INTS1: variants seen among roughly 807,000 people sequenced by gnomAD.
INTS1 encodes integrator complex subunit 1.
INTS1 carries 137 observed loss-of-function variants against 241.6 expected under a neutral mutation model. That is an observed-to-expected ratio of 0.57 (90% CI 0.49 to 0.65). The LOEUF is 0.65. INTS1 is among the 30% of genes least tolerant of loss of function. The pLI is 0.00. For missense variants in INTS1, 3,073 were observed against 3,032.2 expected, an observed-to-expected ratio of 1.01 and a Z score of -0.32; for synonymous variants, 1,692 against 1,337.8, an observed-to-expected ratio of 1.26 and a Z score of -5.78.
intron 43 of INTS1, 48 bp downstream of exon 43, chr7:1,473,024 A>G (rs1233121280): frequency 7.7e-7 from 1 of 1,305,888 alleles, no homozygotes; most frequent in Non-Finnish European, 1.1e-6. Flanking sequence ...CAGGCCCTGT[A>G]GGACTGTTCC....
In INTS1 at chr7:1,481,864, T is replaced by C. The variant is rs919225103; in HGVS notation, c.3704-376A>G. ...TGTCGGGACCACCTTGCACCCTGGA[T>C]GGCAGCTGTGTGGGCCCCATCCCCA... On this transcript the variant is annotated intron_variant, in intron 27 of 47. Transcript: ENST00000404767. This position sits in a 1 kb window ranked among gnomAD's most constrained non-coding sequence, Gnocchi z 6.8. Among the ~76,000 whole-genome samples the C allele has an allele frequency of 2.0e-5, 3 of 152,038 alleles. No individual in the cohort carries two copies. Among genetic ancestry groups the C allele is most frequent in the African/African-American group, 2.4e-5 (1 of 41,410 alleles).
chr7:1,485,259 T>A, intron 23 of INTS1, 31 bp downstream of exon 23: 1 of 1,597,694 alleles, frequency 6.3e-7, no homozygotes, highest in East Asian at 2.2e-5. Flanking sequence ...CTCTCATCTT[T>A]CCCTGCCGCG....
At position 1,483,006 on chromosome 7, in the gene INTS1, A is replaced by G. The variant is rs1269013382; in HGVS notation, c.3542-299T>C. ...TGCCCTCGGGGCTTTGCTTGGCTGG[A>G]CCAGGTCCCATCCAGCTCTCTGGCT... On this transcript the variant is annotated intron_variant, in intron 26 of 47. Transcript: ENST00000404767. 1.1e-5 allele frequency: 4 copies of G among 378,438 alleles called. No individual in the cohort carries two copies. The East Asian group carries it at 2.1e-4, about 20-fold the overall frequency. The allele number at this position is 378,438 out of a possible 1,614,324, so 23.4% of individuals were successfully genotyped here. A position where few individuals can be genotyped will look rare whatever the true frequency, so the allele number is the denominator to read the frequency against.
rs201645344 is a variant in INTS1, at chr7:1,485,334, G to A, written c.3112C>T (p.Leu1038=). 919 of 1,611,636 alleles carry A rather than the reference G, an allele frequency of 5.7e-4. 5 individuals carry two copies. The African/African-American group carries it at 0.011, about 19-fold the overall frequency. Residue 1038 remains leucine (L), a synonymous_variant, in exon 23 of 48, where the codon CTG becomes TTG. Coordinates refer to ENST00000404767, the MANE Select transcript of INTS1 (RefSeq NM_001080453.3). ...WLLRDLPRLP[L]FDSVRSTTAL... is the part of the protein sequence containing the mutation. ...GTGGTGCTCCTGACGCTGTCGAACA[G>A]AGGCAGGCGAGGCAGGTCCCGCAGC...
intron 26 of INTS1, 122 bp from the exon 27 acceptor site, chr7:1,482,829 A>T: frequency 1.7e-6 from 2 of 1,195,818 alleles, no homozygotes; most frequent in Non-Finnish European, 2.4e-6. Context: ...TGGGAGGAGC[A>T]CGGGGCTCCT....
At position 1,485,364 on chromosome 7, in the gene INTS1, A is replaced by C. The variant is rs757455650; in HGVS notation, c.3082T>G (p.Trp1028Gly). Residue 1028 changes from tryptophan (W) to glycine (G), a missense_variant, in exon 23 of 48, where the codon TGG (tryptophan) becomes GGG (glycine). Trp to Gly is a radical substitution (Grantham distance 184). Transcript: ENST00000404767. ...GDTDVLQGYQ[W>G]LLRDLPRLPL... ...AGGCGAGGCAGGTCCCGCAGCAGCCACTGATAGCCCTGCAGCACATCTGTG... is the reference window on the plus strand; with the variant it reads ...AGGCGAGGCAGGTCCCGCAGCAGCCCCTGATAGCCCTGCAGCACATCTGTG... 5.0e-6 allele frequency: 8 copies of C among 1,612,502 alleles called. No homozygotes were observed. Among genetic ancestry groups the C allele is most frequent in the African/African-American group, 4.0e-5 (3 of 74,916 alleles).
Position 1,503,005 on chromosome 7 carries a change from G to A in INTS1, c.245C>T (p.Ser82Phe), listed in dbSNP as rs1297968739. 1.2e-6 allele frequency: 2 copies of A among 1,613,808 alleles called. No individual in the cohort carries two copies. Among genetic ancestry groups the A allele is most frequent in the South Asian group, 1.1e-5 (1 of 91,088 alleles). ...TGLTKRPKLS[S>F]TPPLSALGRL... ...CCCCAGGGCACTCAGAGGGGGTGTG[G>A]AGGAGAGTTTGGGGCGTTTGGTGAG... The change falls in exon 3 of 48, where the codon TCC becomes TTC. Residue 82 changes from serine to phenylalanine, a missense_variant. Transcript: ENST00000404767.
Position 1,497,326 on chromosome 7 carries a change from A to G in INTS1, c.1426-12T>C, listed in dbSNP as rs1365808209. 1.2e-6 allele frequency: 2 copies of G among 1,608,808 alleles called. No homozygotes were observed. Among genetic ancestry groups the G allele is most frequent in the African/African-American group, 1.3e-5 (1 of 74,840 alleles). On this transcript the variant is annotated splice_polypyrimidine_tract_variant and intron_variant, in intron 10 of 47. Coordinates refer to ENST00000404767, the MANE Select transcript of INTS1 (RefSeq NM_001080453.3). The surrounding 1 kb of genome is among the most constrained non-coding windows in gnomAD (Gnocchi z 5.3). ...ACCATGGCCAGGAACTGGGGCAGAG[A>G]GAGGCCGCGTGGGAGGCTGCCCGAC...
chr7:1,498,041 C>T (rs912149970), intron 10 of INTS1, among the ~76,000 whole-genome samples: 12 of 118,820 alleles, frequency 1.0e-4, no homozygotes, highest in South Asian at 5.3e-4. Flanking sequence ...TAATAAGACC[C>T]GGTCTCCACA....
chr7:1,476,421 C>A lies in INTS1; in HGVS notation c.5186G>T (p.Gly1729Val). Residue 1729 changes from glycine (G) to valine (V), a missense_variant, in exon 38 of 48, where the codon GGC becomes GTC. Physicochemically the swap from Gly to Val is moderately radical, Grantham distance 109 (BLOSUM62 -3). Coordinates refer to ENST00000404767, the MANE Select transcript of INTS1 (RefSeq NM_001080453.3). ...RREELVLRVQ[G>V]PELISLVELI... ...CTCCACCAGGCTGATGAGCTCCGGG[C>A]CCTGGACCCGCAGCACCAGCTCCTC... is the stretch of plus-strand genomic sequence containing the variant. 2 of 1,570,930 alleles carry A rather than the reference C, an allele frequency of 1.3e-6. No homozygotes were observed. Among genetic ancestry groups the A allele is most frequent in the Non-Finnish European group, 1.7e-6 (2 of 1,163,862 alleles).
intron 2 of INTS1, 68 bp downstream of exon 2, chr7:1,503,835 T>G: frequency 2.4e-6 from 2 of 816,828 alleles, no homozygotes; most frequent in Non-Finnish European, 3.5e-6. Flanking sequence ...CCGCGGCAGC[T>G]GAGATCCCCA....
intron 17 of INTS1, 58 bp from the exon 18 acceptor site, chr7:1,489,462 C>T (rs1332930393): frequency 6.5e-6 from 10 of 1,548,590 alleles, no homozygotes; most frequent in Non-Finnish European, 5.2e-6. Context: ...GGCGTGTGAC[C>T]CCCGCTTCTC....
rs1415045207 is a variant in INTS1 at position 1,495,444 on chromosome 7, G to T, written c.1821C>A (p.Asp607Glu). 1 of 1,611,824 alleles carries T rather than the reference G, an allele frequency of 6.2e-7. No homozygotes were observed. ...GGCCCCAGCCGCACCAGTGCACGTA[G>T]TCCTTAGGGGCGAGCTTGCTGATGG... ...VPSISKLAPKDYVHCLHKVLF... is the reference protein window; with the variant it reads ...VPSISKLAPKEYVHCLHKVLF... The change falls in exon 13 of 48, where the codon GAC (aspartate) becomes GAA (glutamate). Residue 607 changes from aspartate to glutamate, a missense_variant. Physicochemically the swap from Asp to Glu is conservative, Grantham distance 45. Coordinates refer to ENST00000404767, the MANE Select transcript of INTS1 (RefSeq NM_001080453.3).
chr7:1,498,943 G>GGCCCCCCCCCCCCCC, intron 8 of INTS1, 32 bp downstream of exon 8: 6 of 1,070,718 alleles, frequency 5.6e-6, no homozygotes, highest in Non-Finnish European at 7.6e-6. Context: ...CCCACCCCCT[G>GGCCCCCCCCCCCCCC]CCCCGCCCAC....
chr7:1,472,746 C>T (rs1781528688), intron 43 of INTS1, among the ~76,000 whole-genome samples: 1 of 147,204 alleles, frequency 6.8e-6, no homozygotes, highest in African/African-American at 2.5e-5. Context: ...AAGCCTTGCC[C>T]AGTAGGACCA....
chr7:1,475,360 T>C (rs1584259604), intron 39 of INTS1, among the ~76,000 whole-genome samples: 1 of 151,954 alleles, frequency 6.6e-6, no homozygotes, highest in African/African-American at 2.4e-5. Flanking sequence ...ACTCCAGCCT[T>C]GGCAACAGAC....
intron 20 of INTS1, 53 bp downstream of exon 20, chr7:1,487,267 G>T (rs77986160): frequency 0.012 from 19,136 of 1,550,684 alleles, 277 homozygotes; most frequent in African/African-American, 0.068. Flanking sequence ...CCTCCGGAAG[G>T]TTCCGGGCCT....
Position 1,479,233 on chromosome 7 carries a change from T to C in INTS1, c.4329+197A>G, listed in dbSNP as rs9692169. On this transcript the variant is annotated intron_variant, in intron 31 of 47. Coordinates refer to ENST00000404767, the MANE Select transcript of INTS1 (RefSeq NM_001080453.3). Reference sequence around the variant, plus strand: ...TGGTGCAAACAGGCGGACGCCGCACTGCCCCCACCTCCCGTCCCGGGGGAA... The same window carrying C: ...TGGTGCAAACAGGCGGACGCCGCACCGCCCCCACCTCCCGTCCCGGGGGAA... Among the ~76,000 whole-genome samples, 81,919 of 152,180 alleles carry C rather than the reference T, an allele frequency of 0.54. 23,870 individuals are homozygous for C. Among genetic ancestry groups the C allele is most frequent in the African/African-American group, 0.77 (31,989 of 41,542 alleles).
In INTS1 at chr7:1,499,920, G is replaced by A. The variant is rs559883591; in HGVS notation, c.648C>T (p.Tyr216=). The A allele has an allele frequency of 1.5e-5, 25 of 1,613,632 alleles. No individual in the cohort carries two copies. Among genetic ancestry groups the A allele is most frequent in the Middle Eastern group, 3.3e-4 (2 of 6,060 alleles). Reference sequence around the variant, plus strand: ...TCTCGGGCCAGTTCTCGTCCTCCTCGTAGGCGGCCATGAGGAGGTTACAGG... The same window carrying A: ...TCTCGGGCCAGTTCTCGTCCTCCTCATAGGCGGCCATGAGGAGGTTACAGG... ...VLACNLLMAA[Y]EEDENWPEIF... Residue 216 remains tyrosine (Y), a synonymous_variant, in exon 5 of 48, where the codon TAC becomes TAT. Transcript: ENST00000404767.
Sources: gnomAD v4.1 joint callset for allele counts (sites outside exome capture counted in the v4.1 genomes callset) on GRCh38, gnomAD v4.1.1 for gene constraint, Gnocchi (gnomAD v3.1) non-coding constraint, MANE v1.5 for transcripts, NCBI Gene and HGNC (gene_info 2026-07-23, HGNC 2026-07-21) for gene names.